NREP: variants seen among roughly 807,000 people sequenced by gnomAD.
NREP encodes the protein neuronal regeneration related protein.
NREP carries 5 observed loss-of-function variants against 8.6 expected under a neutral mutation model. The observed-to-expected ratio is 0.58, with a 90% confidence interval of 0.30 to 1.22. The LOEUF (loss-of-function observed/expected upper bound fraction) is 1.22. Among genes scored for constraint, NREP ranks in the 50% most tolerant of loss-of-function variants. The pLI, the probability that NREP is intolerant of heterozygous loss-of-function variation, is 0.07. For missense variants in NREP, 86 were observed against 82.5 expected, an observed-to-expected ratio of 1.04 and a Z score of -0.17; for synonymous variants, 27 against 28.0, an observed-to-expected ratio of 0.96 and a Z score of 0.11.
At chr5:111,911,376 A>G (rs1754908296) in intron 2 of NREP, among the ~76,000 whole-genome samples, 1 of 152,118 alleles carries the variant, frequency 6.6e-6, no homozygotes, top group Non-Finnish European at 1.5e-5. Context: ...TTGCAGAAGC[A>G]TTACCTATTT....
chr5:111,855,697 G>T (rs1753411015), intron 2 of NREP, among the ~76,000 whole-genome samples: 1 of 152,250 alleles, frequency 6.6e-6, no homozygotes, highest in East Asian at 1.9e-4. Flanking sequence ...GGAAGGGGCT[G>T]ATTTCATTAA....
chr5:111,812,645 C>G (rs900460068), intron 2 of NREP, among the ~76,000 whole-genome samples: 1 of 152,102 alleles, frequency 6.6e-6, no homozygotes, highest in Non-Finnish European at 1.5e-5. Context: ...AAAAGTCACA[C>G]CAATATTAAG....
rs1315097340 is a variant in NREP, at chr5:111,730,966, G to A, written c.162C>T (p.Ser54=). 6.2e-7 allele frequency: 1 copy of A among 1,613,914 alleles called. No homozygotes were observed. The highest frequency in any genetic ancestry group is 8.5e-7 in the Non-Finnish European group (1 of 1,179,830). The change falls in exon 4 of 4, where the codon AGC becomes AGT. Residue 54 remains serine, a synonymous_variant. Transcript: ENST00000257435. ...TGATTCTTGGGGAGCGGAGTTCACT[G>A]CTGCCCAGTGGAGTCAGGGAGGCAG... ...TNAASLTPLG[S]SELRSPRISY... is the part of the protein sequence containing the mutation.
chr5:111,971,887 CA>C (rs1273637128), intron 2 of NREP, among the ~76,000 whole-genome samples: 1 of 147,972 alleles, frequency 6.8e-6, no homozygotes, highest in Non-Finnish European at 1.5e-5. Context: ...CAAAAATAGA[CA>C]AAAAAGGAGT....
chr5:111,890,978 T>C (rs1246254658), intron 2 of NREP, among the ~76,000 whole-genome samples: 4 of 152,258 alleles, frequency 2.6e-5, no homozygotes, highest in Non-Finnish European at 4.4e-5. Flanking sequence ...GCAGCCTGCC[T>C]GAATTCTTCT....
intron 2 of NREP, among the ~76,000 whole-genome samples, chr5:111,780,904 GTTTAT>G (rs1401443146): frequency 6.6e-6 from 1 of 151,712 alleles, no homozygotes; most frequent in Non-Finnish European, 1.5e-5. Flanking sequence ...TTTTTTTAAC[GTTTAT>G]TTTAAGTTCA....
intron 2 of NREP, among the ~76,000 whole-genome samples, chr5:111,763,754 ATGTG>A (rs3067515): frequency 0.36 from 53,280 of 146,338 alleles, 9,649 homozygotes; most frequent in Admixed American, 0.41. Flanking sequence ...GTACGTCTGT[ATGTG>A]TGTGTGTGTG....
At chr5:111,824,677 A>G (rs1489436053) in intron 2 of NREP, among the ~76,000 whole-genome samples, 2 of 152,228 alleles carry the variant, frequency 1.3e-5, no homozygotes, top group African/African-American at 4.8e-5. Flanking sequence ...GAAGTCTATT[A>G]CATTCCTAAT....
At chr5:111,943,093 A>AT (rs1181622406) in intron 2 of NREP, among the ~76,000 whole-genome samples, 5 of 151,028 alleles carry the variant, frequency 3.3e-5, no homozygotes, top group African/African-American at 1.2e-4. Flanking sequence ...CCTTTTTTCC[A>AT]TTTTCAGCTT....
chr5:111,914,898 G>C (rs1755012430), intron 2 of NREP, among the ~76,000 whole-genome samples: 1 of 152,114 alleles, frequency 6.6e-6, no homozygotes, highest in African/African-American at 2.4e-5. Context: ...CTTTCAGGAA[G>C]AGATTTTTCC....
chr5:111,954,158 G>A (rs1238450317), intron 2 of NREP, among the ~76,000 whole-genome samples: 1 of 152,086 alleles, frequency 6.6e-6, no homozygotes, highest in Non-Finnish European at 1.5e-5. Context: ...GAAAAATATA[G>A]GCTCTGCAGT....
chr5:111,956,071 G>A (rs1341664685), intron 2 of NREP, among the ~76,000 whole-genome samples: 3 of 152,062 alleles, frequency 2.0e-5, no homozygotes, highest in East Asian at 1.9e-4. Context: ...ATCCAGAGCC[G>A]AAACACAAAC....
chr5:111,759,926 G>T (rs1362471116), upstream of NREP, among the ~76,000 whole-genome samples: 1 of 152,124 alleles, frequency 6.6e-6, no homozygotes, highest in Non-Finnish European at 1.5e-5. Flanking sequence ...TTGCCACAGT[G>T]TGACTATAGT....
intron 2 of NREP, among the ~76,000 whole-genome samples, chr5:111,912,345 G>A (rs1162772595): frequency 2.6e-5 from 4 of 151,838 alleles, no homozygotes. Context: ...ATTACTTCTT[G>A]ACCCTCCTCA....
chr5:111,976,769 T>A (rs1756977307), exon 1 of NREP: 5 of 1,548,718 alleles, frequency 3.2e-6, no homozygotes, highest in Middle Eastern at 3.3e-4. Context: ...GAGGATAAAG[T>A]TCAGTCTTTA....
At chr5:111,848,966 T>C (rs760765190) in intron 2 of NREP, among the ~76,000 whole-genome samples, 2 of 152,142 alleles carry the variant, frequency 1.3e-5, no homozygotes, top group East Asian at 3.8e-4. Flanking sequence ...TTTGAACTAA[T>C]AGTTTTGGAT....
intron 2 of NREP, among the ~76,000 whole-genome samples, chr5:111,904,654 A>G (rs1166098237): frequency 6.6e-6 from 1 of 152,154 alleles, no homozygotes; most frequent in Non-Finnish European, 1.5e-5. Context: ...GAACTTCATC[A>G]TAAAATGTGG....
intron 2 of NREP, among the ~76,000 whole-genome samples, chr5:111,827,095 T>C (rs959945314): frequency 1.3e-5 from 2 of 152,232 alleles, no homozygotes; most frequent in Non-Finnish European, 2.9e-5. Flanking sequence ...TCTTAAACAC[T>C]AATTTTGATT....
rs1209358352 is a variant in NREP at position 111,871,640 on chromosome 5, G to GT, written c.135+103633dup. ...TTACAGTTATATCCTTATTCTATAA[G>GT]TTTTTTCTATTTTAAAAAAATCTTT... On this transcript the variant is annotated intron_variant, in intron 2 of 3. Coordinates refer to the NREP transcript ENST00000395634. 2.0e-5 allele frequency among the ~76,000 whole-genome samples: 3 copies of GT among 151,730 alleles called. No individual in the cohort carries two copies. The South Asian group carries it at 6.2e-4, about 32-fold the overall frequency.
Sources: allele counts gnomAD v4.1 joint callset (sites outside exome capture counted in the v4.1 genomes callset), GRCh38; gene constraint gnomAD v4.1.1; transcripts MANE v1.5; gene names NCBI Gene and HGNC (gene_info 2026-07-23, HGNC 2026-07-21).